SNX5: variants seen among roughly 807,000 people sequenced by gnomAD.
SNX5 encodes sorting nexin-5.
A neutral mutation model predicts 53.9 loss-of-function variants in SNX5; 31 were observed. That is an observed-to-expected ratio of 0.58 (90% confidence interval 0.43 to 0.78). The LOEUF (loss-of-function observed/expected upper bound fraction) is 0.78. Among genes scored for constraint, SNX5 ranks in the 30% least tolerant of loss-of-function variants. The pLI is 0.00. For missense variants in SNX5, 471 were observed against 478.8 expected (o/e 0.98, Z 0.15); for synonymous variants, 168 against 171.1 (o/e 0.98, Z 0.14).
In SNX5 at chr20:17,943,146, T is replaced by C; in HGVS notation, c.1128A>G (p.Leu376=). ...TTATTTCCAGTTCAGACATTTCAAT[T>C]AGATTCTTTCTAAATGCTGCCACTC... is the stretch of plus-strand genomic sequence containing the variant. The part of the protein sequence containing the change: ...RKRVAAFRKN[L]IEMSELEIKH... Residue 376 remains leucine, a synonymous_variant, in exon 12 of 13, where the codon CTA becomes CTG. Coordinates refer to ENST00000377759, the MANE Select transcript of SNX5 (RefSeq NM_014426.4). 1.2e-6 allele frequency: 2 copies of C among 1,610,384 alleles called. No homozygotes were observed. The highest frequency in any genetic ancestry group is 2.2e-5 in the South Asian group (2 of 90,978).
At position 17,945,863 on chromosome 20, in the gene SNX5, T is replaced by C. The variant is rs576346154; in HGVS notation, c.1078+1623A>G. Among the ~76,000 whole-genome samples, 20 of 152,314 alleles carry C rather than the reference T, an allele frequency of 1.3e-4. No individual in the cohort carries two copies. In the South Asian group the frequency reaches 4.1e-3, roughly 32 times the overall value. On this transcript the variant is annotated intron_variant, in intron 11 of 12. Coordinates refer to ENST00000377759, the MANE Select transcript of SNX5 (RefSeq NM_014426.4). ...TGTTGATGAACACATCATTTCCCTA[T>C]GTCTAGATTACCCTACCACTGGGAA...
Position 17,954,006 on chromosome 20 carries a change from CTT to C in SNX5, c.377_378del (p.Gln126ArgfsTer5). On this transcript the variant is annotated frameshift_variant, in exon 4 of 13. Coordinates refer to ENST00000377759, the MANE Select transcript of SNX5 (RefSeq NM_014426.4). LOFTEE classifies it high-confidence loss of function. ...GGAAAATCCACTTACGCTTCCAGTT[CTT>C]GTTTCATCTTGGCAAATTCTTCTTT... ...MTKEEFAKMK[Q>X]ELEAEYLAVF... is the part of the protein sequence containing the mutation. 6.2e-7 allele frequency: 1 copy of C among 1,613,712 alleles called. No homozygotes were observed.
chr20:17,950,532 G>C, intron 6 of SNX5, 136 bp from the exon 7 acceptor site: 1 of 586,920 alleles, frequency 1.7e-6, no homozygotes, highest in Non-Finnish European at 3.0e-6. Context: ...CTACAGATCA[G>C]GGAATTACAA....
In SNX5 at chr20:17,964,618, A is replaced by G. The variant is rs146791195; in HGVS notation, c.51+3757T>C. Among the ~76,000 whole-genome samples the G allele has an allele frequency of 2.2e-3, 339 of 152,362 alleles. 2 individuals carry two copies. The highest frequency in any genetic ancestry group is 7.7e-3 in the African/African-American group (321 of 41,588). Reference sequence around the variant, plus strand: ...TAGATCATGCAGAGAAACTTAATTTACACTTTAATAGCCGTTTCTCACTAT... The same window carrying G: ...TAGATCATGCAGAGAAACTTAATTTGCACTTTAATAGCCGTTTCTCACTAT... On this transcript the variant is annotated intron_variant, in intron 1 of 12. Transcript: ENST00000377759.
Position 17,950,287 on chromosome 20 carries a change from T to C in SNX5, c.715+4A>G. 6.2e-7 allele frequency: 1 copy of C among 1,611,610 alleles called. No individual in the cohort carries two copies. Among genetic ancestry groups the C allele is most frequent in the South Asian group, 1.1e-5 (1 of 91,002 alleles). On this transcript the variant is annotated splice_donor_region_variant and intron_variant, in intron 7 of 12. Transcript: ENST00000377759. ...AGCTCTGACTAGCGGTAAATGATATTTACTTTTATGAGATCTGGTCATTTT... is the reference window on the plus strand; with the variant it reads ...AGCTCTGACTAGCGGTAAATGATATCTACTTTTATGAGATCTGGTCATTTT...
At chr20:17,962,907 A>G (rs372569855) in intron 1 of SNX5, 17 of 518,778 alleles carry the variant, frequency 3.3e-5, no homozygotes, top group African/African-American at 2.9e-4. Flanking sequence ...AGGTCAGTGC[A>G]GCGCACTCAG....
At chr20:17,952,859 G>C in intron 4 of SNX5, 149 bp from the exon 5 acceptor site, 1 of 909,076 alleles carries the variant, frequency 1.1e-6, no homozygotes, top group Non-Finnish European at 1.6e-6. Flanking sequence ...CTGGTGTCTA[G>C]TTAGATACTA....
At chr20:17,954,668 C>A (rs1392702180) in intron 3 of SNX5, among the ~76,000 whole-genome samples, 1 of 152,102 alleles carries the variant, frequency 6.6e-6, no homozygotes, top group Non-Finnish European at 1.5e-5. Context: ...CTGTTCCTGC[C>A]GCCAAGAAAT....
chr20:17,967,135 CAG>C (rs1182331315), intron 1 of SNX5, among the ~76,000 whole-genome samples: 6 of 152,000 alleles, frequency 3.9e-5, no homozygotes, highest in Admixed American at 2.0e-4. Context: ...ACTGTACTAC[CAG>C]AGAGTGGGGT....
At chr20:17,942,662 C>G in intron 12 of SNX5, 1 of 529,828 alleles carries the variant, frequency 1.9e-6, no homozygotes, top group Admixed American at 3.4e-5. Context: ...CTGCCCTCAC[C>G]TGCTTGCTCC....
chr20:17,967,551 T>C (rs756150146), intron 1 of SNX5: 1 of 152,438 alleles, frequency 6.6e-6, no homozygotes, highest in Non-Finnish European at 1.5e-5. Flanking sequence ...TAAGAGAGCC[T>C]TGTATTTTTA....
chr20:17,962,661 T>C (rs779919772), intron 1 of SNX5: 3 of 469,816 alleles, frequency 6.4e-6, no homozygotes, highest in Non-Finnish European at 1.3e-5. Context: ...TAATAGCTAT[T>C]AAAGCTACTC....
rs569386698 is a variant in SNX5, at chr20:17,955,297, A to C, written c.267+68T>G. On this transcript the variant is annotated intron_variant, in intron 3 of 12. Coordinates refer to ENST00000377759, the MANE Select transcript of SNX5 (RefSeq NM_014426.4). ...CAATCCATTAAAAAAAGTGGATATA[A>C]GTCTCTTTTAAACTAATGCATAGCA... 1.8e-5 allele frequency: 20 copies of C among 1,090,162 alleles called. No individual in the cohort carries two copies. In the South Asian group the frequency reaches 2.6e-4, roughly 14 times the overall value. 67.5% of individuals were successfully genotyped at this position (1,090,162 alleles called of 1,614,324 possible).
chr20:17,954,218 C>T, intron 3 of SNX5, 101 bp from the exon 4 acceptor site: 2 of 1,536,130 alleles, frequency 1.3e-6, no homozygotes. Context: ...GACAACCACT[C>T]CACTCCTGTG....
At chr20:17,947,715 T>G (rs1240555341) in intron 10 of SNX5, 70 bp from the exon 11 acceptor site, 1 of 1,332,612 alleles carries the variant, frequency 7.5e-7, no homozygotes, top group South Asian at 1.4e-5. Context: ...CAAGTGCCAA[T>G]GTACCACCTG....
intron 1 of SNX5, among the ~76,000 whole-genome samples, chr20:17,959,739 A>G (rs1227112744): frequency 6.6e-6 from 1 of 152,202 alleles, no homozygotes; most frequent in East Asian, 1.9e-4. Context: ...AAACTTGTGA[A>G]ATGACTAGAG....
Position 17,952,725 on chromosome 20 carries a change from G to A in SNX5, c.390-15C>T. 6.3e-7 allele frequency: 1 copy of A among 1,583,860 alleles called. No individual in the cohort carries two copies. The highest frequency in any genetic ancestry group is 8.6e-7 in the Non-Finnish European group (1 of 1,164,194). On this transcript the variant is annotated splice_polypyrimidine_tract_variant and intron_variant, in intron 4 of 12. Transcript: ENST00000377759. ...CGAGATACTCACTGAAAAGAGATGT[G>A]CACATGGCATTCAGTTGACACAGCT...
At chr20:17,957,526 T>A (rs1474123150) in intron 1 of SNX5, among the ~76,000 whole-genome samples, 1 of 152,194 alleles carries the variant, frequency 6.6e-6, no homozygotes, top group Non-Finnish European at 1.5e-5. Context: ...GGGAAACCCA[T>A]TCTTCACATG....
intron 5 of SNX5, 67 bp downstream of exon 5, chr20:17,952,520 T>C (rs895824273): frequency 4.9e-5 from 72 of 1,468,896 alleles, no homozygotes; most frequent in Non-Finnish European, 6.0e-5. Context: ...CAGTAGAAAC[T>C]ATCAAGTACA....
Sources: allele counts gnomAD v4.1 joint callset (sites outside exome capture counted in the v4.1 genomes callset), GRCh38; gene constraint gnomAD v4.1.1; transcripts MANE v1.5; gene names NCBI Gene and HGNC (gene_info 2026-07-23, HGNC 2026-07-21).